Variants in MYO5B observed in about 807,000 individuals in gnomAD.
MYO5B encodes the protein unconventional myosin-Vb.
Under a neutral mutation model 229.3 loss-of-function variants are expected in MYO5B, and 143 were observed. The observed-to-expected ratio is 0.62, with a 90% confidence interval of 0.54 to 0.72. The LOEUF is 0.72. Among genes scored for constraint, MYO5B ranks in the 30% least tolerant of loss-of-function variants. MYO5B has a pLI of 0.00. For missense variants in MYO5B, 2,321 were observed against 2,331.0 expected (o/e 1.00, Z 0.09); for synonymous variants, 918 against 885.2 (o/e 1.04, Z -0.66).
chr18:50,085,378 C>G (rs2031308836), intron 1 of MYO5B, among the ~76,000 whole-genome samples: 1 of 152,004 alleles, frequency 6.6e-6, no homozygotes, highest in African/African-American at 2.4e-5. Context: ...CCATCTCACA[C>G]CAGTTAGAAC....
At chr18:50,131,674 T>C (rs1407812312) in intron 1 of MYO5B, among the ~76,000 whole-genome samples, 1 of 152,180 alleles carries the variant, frequency 6.6e-6, no homozygotes, top group Non-Finnish European at 1.5e-5. Context: ...CAAAAACCTA[T>C]GGGGGCAACA....
At chr18:50,060,286 A>C (rs1186846113) in intron 1 of MYO5B, among the ~76,000 whole-genome samples, 2 of 152,218 alleles carry the variant, frequency 1.3e-5, no homozygotes, top group Non-Finnish European at 2.9e-5. Flanking sequence ...ATGAAAAAGC[A>C]GTAAAATATT....
Position 49,962,328 on chromosome 18 carries a change from G to T in MYO5B, c.1483C>A (p.Pro495Thr). 6.2e-7 allele frequency: 1 copy of T among 1,614,210 alleles called. No individual in the cohort carries two copies. Among genetic ancestry groups the T allele is most frequent in the Non-Finnish European group, 8.5e-7 (1 of 1,180,032 alleles). Residue 495 changes from proline (P) to threonine (T), a missense_variant, in exon 12 of 40, where the codon CCT becomes ACT. Pro to Thr is a conservative substitution (Grantham distance 38). Coordinates refer to ENST00000285039, the MANE Select transcript of MYO5B (RefSeq NM_001080467.3). ...WTLIDFYDNQPCIDLIEAKLG... is the reference protein window; with the variant it reads ...WTLIDFYDNQTCIDLIEAKLG... The stretch of plus-strand genomic sequence containing the variant: ...TTGGCTTCAATGAGGTCGATACAAG[G>T]TTGGTTATCATAAAAATCAATCAGG...
chr18:50,073,696 T>C (rs912116340), intron 1 of MYO5B, among the ~76,000 whole-genome samples: 6 of 152,256 alleles, frequency 3.9e-5, no homozygotes, highest in African/African-American at 1.2e-4. Context: ...AATATGTAGA[T>C]TGAAAGTTTT....
intron 19 of MYO5B, among the ~76,000 whole-genome samples, 167 bp downstream of exon 19, chr18:49,906,252 G>C (rs2024897806): frequency 2.6e-5 from 4 of 152,164 alleles, no homozygotes; most frequent in Non-Finnish European, 1.5e-5. Flanking sequence ...AGAAGGCATT[G>C]ATTATAGGGA....
In MYO5B at chr18:50,037,186, G is replaced by A. The variant is rs576299096; in HGVS notation, c.311-192C>T. On this transcript the variant is annotated intron_variant, in intron 3 of 39. Coordinates refer to ENST00000285039, the MANE Select transcript of MYO5B (RefSeq NM_001080467.3). The stretch of plus-strand genomic sequence containing the variant: ...CAGATCTCCAAATACCCTACAGCCT[G>A]GAATAAGCATACACACATACACACA... Among the ~76,000 whole-genome samples the A allele has an allele frequency of 5.3e-5, 8 of 151,112 alleles. No individual in the cohort carries two copies. The South Asian group carries it at 1.7e-3, about 32-fold the overall frequency.
chr18:49,985,641 G>A (rs1568059419), intron 7 of MYO5B, among the ~76,000 whole-genome samples: 1 of 152,296 alleles, frequency 6.6e-6, no homozygotes. Flanking sequence ...TATCTTGTAT[G>A]GTGATCCTGC....
At chr18:49,945,166 C>T (rs1316273198) in intron 14 of MYO5B, among the ~76,000 whole-genome samples, 1 of 152,160 alleles carries the variant, frequency 6.6e-6, no homozygotes, top group East Asian at 1.9e-4. Flanking sequence ...AGAGCCTCAT[C>T]CTCACCACTT....
intron 1 of MYO5B, among the ~76,000 whole-genome samples, chr18:50,079,446 AC>A (rs1355725545): frequency 6.6e-6 from 1 of 151,920 alleles, no homozygotes; most frequent in African/African-American, 2.4e-5. Context: ...CCTTGGACCA[AC>A]CACTGCCTCC....
intron 21 of MYO5B, among the ~76,000 whole-genome samples, chr18:49,900,705 C>G (rs915625827): frequency 1.3e-5 from 2 of 152,196 alleles, no homozygotes; most frequent in African/African-American, 2.4e-5. Context: ...TTCTGTTTCT[C>G]CATGCCACAC....
chr18:49,929,611 A>C lies in MYO5B; in HGVS notation c.2004-13T>G, dbSNP rs762648724. The C allele has an allele frequency of 1.6e-5, 1 of 60,976 alleles. No homozygotes were observed. The highest frequency in any genetic ancestry group is 5.1e-4 in the African/African-American group (1 of 1,962). The allele number at this position is 60,976 out of a possible 1,614,324, so 3.8% of individuals were successfully genotyped here. A position where few individuals can be genotyped will look rare whatever the true frequency, so the allele number is the denominator to read the frequency against. ...CTTTGGGTCAAAGCTGCCAAAGGAG[A>C]AAAAAAAAAAAAAAAGCAAGACAAG... On this transcript the variant is annotated splice_polypyrimidine_tract_variant and intron_variant, in intron 16 of 39. Transcript: ENST00000285039.
chr18:50,069,834 T>C (rs188697257), intron 1 of MYO5B, among the ~76,000 whole-genome samples: 1 of 152,176 alleles, frequency 6.6e-6, no homozygotes, highest in Admixed American at 6.5e-5. Context: ...CAACCCAATA[T>C]TCAAGTTTAA....
chr18:49,915,511 G>A (rs2025004169), intron 17 of MYO5B, among the ~76,000 whole-genome samples: 1 of 152,248 alleles, frequency 6.6e-6, no homozygotes. Flanking sequence ...CGAGGCCTCT[G>A]TCTTATGGCC....
At chr18:50,055,625 T>A (rs2030529605) in intron 1 of MYO5B, among the ~76,000 whole-genome samples, 1 of 152,124 alleles carries the variant, frequency 6.6e-6, no homozygotes, top group Admixed American at 6.6e-5. Flanking sequence ...AAATTAAAAT[T>A]CTACCCAAGA....
intron 5 of MYO5B, among the ~76,000 whole-genome samples, chr18:50,000,861 G>A (rs9646552): frequency 0.049 from 7,439 of 152,240 alleles, 210 homozygotes; most frequent in Non-Finnish European, 0.063. Flanking sequence ...AGGCTTTCCC[G>A]TCCCCCATGA....
intron 39 of MYO5B, among the ~76,000 whole-genome samples, chr18:49,832,044 C>G (rs933321964): frequency 6.6e-6 from 1 of 152,106 alleles, no homozygotes; most frequent in Admixed American, 6.5e-5. Context: ...GAAGCCTACC[C>G]AGGGTTGAAG....
At chr18:50,114,739 G>T (rs1053056505) in intron 1 of MYO5B, among the ~76,000 whole-genome samples, 1 of 152,186 alleles carries the variant, frequency 6.6e-6, no homozygotes, top group African/African-American at 2.4e-5. Flanking sequence ...TCTAGGAGCA[G>T]AACAGCAATA....
chr18:49,953,450 A>C (rs2025451327), intron 13 of MYO5B, 107 bp from the exon 14 acceptor site: 4 of 927,166 alleles, frequency 4.3e-6, no homozygotes, highest in Middle Eastern at 2.1e-4. Context: ...CTGTGAGTAG[A>C]TAGGAAACCC....
intron 32 of MYO5B, among the ~76,000 whole-genome samples, 173 bp from the exon 33 acceptor site, chr18:49,847,462 T>C (rs2024144728): frequency 6.6e-6 from 1 of 152,058 alleles, no homozygotes; most frequent in South Asian, 2.1e-4. Flanking sequence ...AAACTTCCAC[T>C]CTCTTTGCGG....
Sources: gnomAD v4.1 joint callset for allele counts (sites outside exome capture counted in the v4.1 genomes callset) on GRCh38, gnomAD v4.1.1 for gene constraint, MANE v1.5 for transcripts, NCBI Gene and HGNC (gene_info 2026-07-23, HGNC 2026-07-21) for gene names.